GPR158: variants seen among roughly 807,000 people sequenced by gnomAD.
The protein encoded by GPR158 is metabotropic glycine receptor.
GPR158 carries 30 observed loss-of-function variants against 78.2 expected under a neutral mutation model. The observed-to-expected ratio is 0.38, with a 90% confidence interval of 0.29 to 0.52. GPR158 has a LOEUF of 0.52. Ranked by LOEUF, GPR158 falls within the 20% of genes least tolerant of loss-of-function variation. GPR158 has a pLI of 0.83. For synonymous variants in GPR158, 581 were observed against 591.1 expected, an observed-to-expected ratio of 0.98 and a Z score of 0.25; for missense variants, 1,463 against 1,523.5, an observed-to-expected ratio of 0.96 and a Z score of 0.66.
intron 2 of GPR158, among the ~76,000 whole-genome samples, chr10:25,313,736 T>C (rs1364636065): frequency 6.6e-6 from 1 of 152,204 alleles, no homozygotes; most frequent in Non-Finnish European, 1.5e-5. Flanking sequence ...TTCAGTTTGT[T>C]AATATTTTAC....
At chr10:25,350,111 A>C (rs1482933768) in intron 2 of GPR158, among the ~76,000 whole-genome samples, 5 of 150,136 alleles carry the variant, frequency 3.3e-5, no homozygotes, top group African/African-American at 5.0e-5. Flanking sequence ...AAGTGCATCC[A>C]GGCCTGGCTG....
intron 1 of GPR158, among the ~76,000 whole-genome samples, chr10:25,190,419 A>G (rs752878612): frequency 3.3e-5 from 5 of 152,006 alleles, no homozygotes; most frequent in Non-Finnish European, 7.4e-5. Flanking sequence ...TGCAGCCTCA[A>G]CCTCCCAGGT....
chr10:25,361,769 C>T (rs919433175), intron 2 of GPR158, among the ~76,000 whole-genome samples: 60 of 151,934 alleles, frequency 3.9e-4, no homozygotes, highest in Non-Finnish European at 7.5e-4. Flanking sequence ...AAATCCTTTG[C>T]ATATTTTTTA....
At position 25,470,281 on chromosome 10, in the gene GPR158, A is replaced by G. The variant is rs542353304; in HGVS notation, c.1404+3562A>G. 3.2e-4 allele frequency among the ~76,000 whole-genome samples: 48 copies of G among 152,178 alleles called. 1 individual carries two copies. The highest frequency in any genetic ancestry group is 3.4e-3 in the Middle Eastern group (1 of 294). On this transcript the variant is annotated intron_variant, in intron 5 of 10. Transcript: ENST00000376351. ...TGTTAGAAACTTAATCTCCAATGCA[A>G]TGTTGTTGAGAAGTGGGGTATTTTC...
chr10:25,412,468 G>T lies in GPR158; in HGVS notation c.1330G>T (p.Ala444Ser), dbSNP rs199867923. ...GCTGGTGGTCTACCACTTTCGCAAA[G>T]CAAAGGTAAACCCAGGAACCCTGGT... ...SMLVVYHFRK[A>S]KSIRASGLIL... The change falls in exon 4 of 11, where the codon GCA becomes TCA. Residue 444 changes from alanine to serine, a missense_variant. By Grantham distance (99) the Ala-to-Ser change is moderately conservative (BLOSUM62 1). Transcript: ENST00000376351. 1.9e-6 allele frequency: 3 copies of T among 1,611,180 alleles called. No homozygotes were observed. The Admixed American group carries it at 5.0e-5, about 27-fold the overall frequency.
chr10:25,387,076 G>GT (rs1834231267), intron 2 of GPR158, among the ~76,000 whole-genome samples: 1 of 152,098 alleles, frequency 6.6e-6, no homozygotes, highest in South Asian at 2.1e-4. Flanking sequence ...AAAGTTTTCA[G>GT]TTTTTTACCA....
In GPR158 at chr10:25,600,766, A is replaced by C. The variant is rs1257698035; in HGVS notation, c.*1492A>C. 4 of 152,434 alleles carry C rather than the reference A, an allele frequency of 2.6e-5. No homozygotes were observed. Among genetic ancestry groups the C allele is most frequent in the Non-Finnish European group, 4.4e-5 (3 of 68,032 alleles). 9.4% of individuals were successfully genotyped at this position (152,434 alleles called of 1,614,324 possible). On this transcript the variant is annotated 3_prime_UTR_variant, in exon 11 of 11. Coordinates refer to ENST00000376351, the MANE Select transcript of GPR158 (RefSeq NM_020752.3). Reference sequence around the variant, plus strand: ...TTGTGAGCCACTTGCTCGACATGTAACATGTAAGGTCCATTTGCAAAGCAA... The same window carrying C: ...TTGTGAGCCACTTGCTCGACATGTACCATGTAAGGTCCATTTGCAAAGCAA...
At chr10:25,372,137 G>A (rs866231114) in intron 2 of GPR158, among the ~76,000 whole-genome samples, 251 of 151,640 alleles carry the variant, frequency 1.7e-3, no homozygotes, top group Non-Finnish European at 2.5e-3. Flanking sequence ...TCAGAGAAAT[G>A]CAAATCAAAA....
Position 25,550,951 on chromosome 10 carries a change from GTCTCTT to G in GPR158, c.1405-21_1405-16del. 1.7e-6 allele frequency: 2 copies of G among 1,178,936 alleles called. No individual in the cohort carries two copies. Among genetic ancestry groups the G allele is most frequent in the Non-Finnish European group, 2.6e-6 (2 of 782,826 alleles). The allele number at this position is 1,178,936 out of a possible 1,614,324, so 73.0% of individuals were successfully genotyped here. A position where few individuals can be genotyped will look rare whatever the true frequency, so the allele number is the denominator to read the frequency against. Reference sequence around the variant, plus strand: ...TGTGGGTCATCAGTTGATCCTGAAGGTCTCTTTCTGTTTTCATCCCACAGGTTGTTA... The same window carrying G: ...TGTGGGTCATCAGTTGATCCTGAAGGTCTGTTTTCATCCCACAGGTTGTTA... On this transcript the variant is annotated intron_variant, in intron 5 of 10. Coordinates refer to ENST00000376351, the MANE Select transcript of GPR158 (RefSeq NM_020752.3).
At chr10:25,577,357 T>C (rs1268428746) in intron 7 of GPR158, among the ~76,000 whole-genome samples, 4 of 152,192 alleles carry the variant, frequency 2.6e-5, no homozygotes, top group Admixed American at 6.5e-5. Context: ...GGCAATAGGC[T>C]TAACCGTGAG....
chr10:25,580,907 TA>T (rs1437798019), intron 7 of GPR158, among the ~76,000 whole-genome samples: 4,143 of 95,782 alleles, frequency 0.043, 116 homozygotes, highest in African/African-American at 0.15. Context: ...TTTATTTTTT[TA>T]TTTTATTTTA....
chr10:25,530,497 C>T (rs180944213), intron 5 of GPR158, among the ~76,000 whole-genome samples: 3 of 152,308 alleles, frequency 2.0e-5, no homozygotes, highest in African/African-American at 7.2e-5. Context: ...GAAGTATCTG[C>T]AGCTAAGCGT....
chr10:25,267,155 A>G (rs1043571822), intron 2 of GPR158, among the ~76,000 whole-genome samples: 2 of 152,182 alleles, frequency 1.3e-5, no homozygotes, highest in Non-Finnish European at 2.9e-5. Context: ...TGACATAACA[A>G]TCAGGGTGTA....
intron 5 of GPR158, among the ~76,000 whole-genome samples, chr10:25,520,399 T>G (rs936632103): frequency 6.7e-6 from 1 of 148,972 alleles, no homozygotes; most frequent in East Asian, 2.0e-4. Context: ...CCATCCAGCT[T>G]TGTTCTGTTG....
chr10:25,524,303 A>G (rs1588898187), intron 5 of GPR158, among the ~76,000 whole-genome samples: 3 of 152,200 alleles, frequency 2.0e-5, no homozygotes, highest in African/African-American at 7.2e-5. Context: ...TAAAATGTAT[A>G]TGGACACGCA....
chr10:25,377,765 T>C (rs571805585), intron 2 of GPR158, among the ~76,000 whole-genome samples: 175 of 152,228 alleles, frequency 1.1e-3, no homozygotes, highest in African/African-American at 4.0e-3. Flanking sequence ...ACATTTTATT[T>C]ATCCATTCGT....
At chr10:25,430,117 G>A (rs1174520546) in intron 4 of GPR158, among the ~76,000 whole-genome samples, 13 of 151,756 alleles carry the variant, frequency 8.6e-5, no homozygotes, top group Admixed American at 8.5e-4. Flanking sequence ...AAACCCCACT[G>A]TCTCAGCCCA....
chr10:25,394,289 T>C (rs1834340450), intron 2 of GPR158, among the ~76,000 whole-genome samples: 1 of 152,206 alleles, frequency 6.6e-6, no homozygotes, highest in Non-Finnish European at 1.5e-5. Context: ...GGCTCAGAGA[T>C]GTTAAGAGAA....
chr10:25,338,495 ACG>A (rs1315858193), intron 2 of GPR158, among the ~76,000 whole-genome samples: 8 of 130,704 alleles, frequency 6.1e-5, no homozygotes, highest in Non-Finnish European at 1.1e-4. Context: ...CGTATAATAT[ACG>A]TATATATATT....
Sources: allele counts gnomAD v4.1 joint callset (sites outside exome capture counted in the v4.1 genomes callset), GRCh38; gene constraint gnomAD v4.1.1; transcripts MANE v1.5; gene names NCBI Gene and HGNC (gene_info 2026-07-23, HGNC 2026-07-21).